The following DLGAP1 variants were observed in gnomAD, a reference collection of about 807,000 sequenced individuals.
DLGAP1 encodes disks large-associated protein 1.
A neutral mutation model predicts 90.8 loss-of-function variants in DLGAP1; 11 were observed. That is an observed-to-expected ratio of 0.12 (90% CI 0.08 to 0.20). The LOEUF is 0.20. Ranked by LOEUF, DLGAP1 falls within the 10% of genes least tolerant of loss-of-function variation. The pLI, the probability that DLGAP1 is intolerant of heterozygous loss-of-function variation, is 1.00. For missense variants in DLGAP1, 1,050 were observed against 1,333.8 expected (o/e 0.79, Z 3.31); for synonymous variants, 558 against 540.7 (o/e 1.03, Z -0.44).
chr18:4,127,217 C>A (rs146867356), intron 2 of DLGAP1, among the ~76,000 whole-genome samples: 1 of 152,270 alleles, frequency 6.6e-6, no homozygotes, highest in Non-Finnish European at 1.5e-5. Context: ...CAGCATGCAC[C>A]TTCACACCCT....
At chr18:3,603,866 A>G (rs1251045768) in intron 7 of DLGAP1, 2 of 154,224 alleles carry the variant, frequency 1.3e-5, no homozygotes, top group Admixed American at 6.6e-5. Context: ...AAAATCTTCA[A>G]CTCGCCACAG....
intron 1 of DLGAP1, among the ~76,000 whole-genome samples, chr18:4,210,839 T>C (rs1438525376): frequency 6.6e-6 from 1 of 152,152 alleles, no homozygotes; most frequent in Non-Finnish European, 1.5e-5. Context: ...AAAGAGAACG[T>C]CTCATCTAGT....
At position 3,879,203 on chromosome 18, in the gene DLGAP1, C is replaced by A. The variant is rs200818770; in HGVS notation, c.866G>T (p.Arg289Leu). ...WSSTLTVSRAREVYQKASVNM... is the reference protein window; with the variant it reads ...WSSTLTVSRALEVYQKASVNM... Reference sequence around the variant, plus strand: ...CACCGAGGCCTTCTGGTAAACCTCCCGGGCCCGGCTCACGGTGAGCGTGGA... The same window carrying A: ...CACCGAGGCCTTCTGGTAAACCTCCAGGGCCCGGCTCACGGTGAGCGTGGA... The change falls in exon 4 of 13, where the codon CGG becomes CTG. Residue 289 changes from arginine (R) to leucine (L), a missense_variant. Around this residue, in one of 2 missense-constraint regions of DLGAP1, gnomAD observed 485 missense variants for 454.1 expected, o/e 1.07. Transcript: ENST00000315677. This position sits in a 1 kb window ranked among gnomAD's most constrained non-coding sequence, Gnocchi z 6.6. 1 of 1,554,346 alleles carries A rather than the reference C, an allele frequency of 6.4e-7. No individual in the cohort carries two copies.
At chr18:4,319,149 T>C (rs2080610600) in intron 1 of DLGAP1, among the ~76,000 whole-genome samples, 1 of 152,176 alleles carries the variant, frequency 6.6e-6, no homozygotes, top group African/African-American at 2.4e-5. Flanking sequence ...AAAAAATAAA[T>C]TAGTTTAAAA....
At chr18:3,524,737 T>G (rs1256060116) in intron 10 of DLGAP1, among the ~76,000 whole-genome samples, 4 of 152,062 alleles carry the variant, frequency 2.6e-5, no homozygotes, top group Admixed American at 2.6e-4. Context: ...TAAATGAAAG[T>G]CATGTGGATT....
At chr18:4,449,816 G>C (rs1437844302) in intron 1 of DLGAP1, among the ~76,000 whole-genome samples, 3 of 152,150 alleles carry the variant, frequency 2.0e-5, no homozygotes, top group African/African-American at 7.2e-5. Context: ...CCAGGAAAGA[G>C]GGAACAATGT....
intron 1 of DLGAP1, among the ~76,000 whole-genome samples, chr18:4,159,428 C>A (rs1190509709): frequency 6.6e-6 from 1 of 152,150 alleles, no homozygotes; most frequent in African/African-American, 2.4e-5. Context: ...ATGGACCAAG[C>A]CTTTGAATCT....
At chr18:3,602,577 A>G (rs1178855314) in intron 7 of DLGAP1, among the ~76,000 whole-genome samples, 7 of 141,512 alleles carry the variant, frequency 4.9e-5, no homozygotes, top group Admixed American at 2.2e-4. Context: ...CCTGGGCGAC[A>G]GAGCGAGACT....
intron 9 of DLGAP1, among the ~76,000 whole-genome samples, chr18:3,566,343 G>C (rs1323451038): frequency 6.6e-6 from 1 of 151,674 alleles, no homozygotes; most frequent in Non-Finnish European, 1.5e-5. Flanking sequence ...TATCAGGTTG[G>C]TGCAAAAGTA....
At chr18:3,553,813 G>A (rs1437298950) in intron 9 of DLGAP1, among the ~76,000 whole-genome samples, 3 of 152,072 alleles carry the variant, frequency 2.0e-5, no homozygotes, top group South Asian at 4.1e-4. Flanking sequence ...GATTACAAGC[G>A]TGAGCCACCA....
intron 4 of DLGAP1, among the ~76,000 whole-genome samples, chr18:3,839,749 A>G (rs1598957056): frequency 6.6e-6 from 1 of 152,246 alleles, no homozygotes; most frequent in Non-Finnish European, 1.5e-5. Context: ...TCTATCACCA[A>G]CATGGCACTG....
At chr18:3,630,436 A>T (rs1449387591) in intron 7 of DLGAP1, among the ~76,000 whole-genome samples, 1 of 152,112 alleles carries the variant, frequency 6.6e-6, no homozygotes, top group Non-Finnish European at 1.5e-5. Context: ...CCTCAGCTTG[A>T]TGACTCGAGA....
At position 4,084,241 on chromosome 18, in the gene DLGAP1, TC is replaced by T. The variant is rs1384812930; in HGVS notation, c.-159+66938del. On this transcript the variant is annotated intron_variant, in intron 2 of 12. Coordinates refer to ENST00000315677, the MANE Select transcript of DLGAP1 (RefSeq NM_004746.4). The surrounding 1 kb of genome is among the most constrained non-coding windows in gnomAD (Gnocchi z 4.0). ...CAGCACGCAGTGGTTATAGTAGCAT[TC>T]ACGATTTGAATTTGAATCCTGTAGG... 2.0e-5 allele frequency among the ~76,000 whole-genome samples: 3 copies of T among 151,870 alleles called. No homozygotes were observed. The highest frequency in any genetic ancestry group is 4.4e-5 in the Non-Finnish European group (3 of 67,962).
intron 4 of DLGAP1, among the ~76,000 whole-genome samples, chr18:3,864,155 T>A (rs961761424): frequency 6.6e-6 from 1 of 152,158 alleles, no homozygotes; most frequent in Non-Finnish European, 1.5e-5. Context: ...TATTATAAAA[T>A]CATTTAACAG....
chr18:3,672,598 AAAAAAAAAAAAGTTAATGAG>A (rs2060135239), intron 7 of DLGAP1, among the ~76,000 whole-genome samples: 1 of 122,082 alleles, frequency 8.2e-6, no homozygotes, highest in African/African-American at 4.6e-5. Flanking sequence ...AAAAAAAAAA[AAAAAAAAAAAAGTTAATGAG>A]AAACAGGTAG....
chr18:4,277,503 G>A (rs2079444124), intron 1 of DLGAP1, among the ~76,000 whole-genome samples: 1 of 152,164 alleles, frequency 6.6e-6, no homozygotes, highest in Non-Finnish European at 1.5e-5. Context: ...TAAGATATAT[G>A]TCATAGGTTC....
intron 2 of DLGAP1, among the ~76,000 whole-genome samples, chr18:4,023,738 C>T (rs140945343): frequency 1.3e-3 from 199 of 152,212 alleles, no homozygotes; most frequent in South Asian, 4.6e-3. Flanking sequence ...TTCAACAACA[C>T]GCTTTTCAAA....
chr18:3,696,934 T>C (rs1400853664), intron 7 of DLGAP1, among the ~76,000 whole-genome samples: 3 of 152,330 alleles, frequency 2.0e-5, no homozygotes, highest in East Asian at 1.9e-4. Flanking sequence ...GGAGGATGTA[T>C]GTGTCTAGGA....
chr18:3,719,556 CAAAAAA>C (rs60129859), intron 7 of DLGAP1, among the ~76,000 whole-genome samples: 1 of 58,424 alleles, frequency 1.7e-5, no homozygotes, highest in Admixed American at 1.9e-4. Flanking sequence ...GACTCTGTCT[CAAAAAA>C]AAAAAAAAAA....
Sources: gnomAD v4.1 joint callset for allele counts (sites outside exome capture counted in the v4.1 genomes callset) on GRCh38, gnomAD v4.1.1 for gene constraint, gnomAD v4.1.1 regional missense constraint, Gnocchi (gnomAD v3.1) non-coding constraint, MANE v1.5 for transcripts, NCBI Gene and HGNC (gene_info 2026-07-23, HGNC 2026-07-21) for gene names.